The following CKM variants were observed in gnomAD, a reference collection of about 807,000 sequenced individuals.
The protein encoded by CKM is creatine kinase M-type.
Under a neutral mutation model 35.4 loss-of-function variants are expected in CKM, and 28 were observed. The observed-to-expected ratio is 0.79, with a 90% CI of 0.59 to 1.08. The LOEUF (loss-of-function observed/expected upper bound fraction) is 1.08. Ranked by LOEUF, CKM falls within the 50% of genes least tolerant of loss-of-function variation. The pLI, the probability that CKM is intolerant of heterozygous loss-of-function variation, is 0.00. For missense variants in CKM, 484 were observed against 509.8 expected (o/e 0.95, Z 0.49); for synonymous variants, 215 against 204.4 (o/e 1.05, Z -0.44).
Position 45,306,809 on chromosome 19 carries a change from T to C in CKM, c.1087A>G (p.Met363Val). 1 of 1,614,204 alleles carries C rather than the reference T, an allele frequency of 6.2e-7. No homozygotes were observed. The highest frequency in any genetic ancestry group is 8.5e-7 in the Non-Finnish European group (1 of 1,180,032). Residue 363 changes from methionine (M) to valine (V), a missense_variant, in exon 8 of 8, where the codon ATG becomes GTG. Met to Val is a conservative substitution (Grantham distance 21). Transcript: ENST00000221476. The surrounding 1 kb of genome is among the most constrained non-coding windows in gnomAD (Gnocchi z 4.5). ...TGGCCTTTCTCCAACTTCTTCTCCA[T>C]TTCCACCATGAGCTTCACACCATCC... ...VVDGVKLMVEMEKKLEKGQSI... is the reference protein window; with the variant it reads ...VVDGVKLMVEVEKKLEKGQSI...
rs766274732 is a variant in CKM at position 45,317,917 on chromosome 19, T to C, written c.256A>G (p.Lys86Glu). The C allele has an allele frequency of 6.2e-7, 1 of 1,613,594 alleles. No homozygotes were observed. The highest frequency in any genetic ancestry group is 1.3e-5 in the African/African-American group (1 of 74,856). ...AGDEESYEVF[K>E]ELFDPIISDR... ...GAGATGATGGGGTCAAAGAGTTCCT[T>C]GAAAACTTCGTAGGACTCCTCATCA... Residue 86 changes from lysine (K) to glutamate (E), a missense_variant, in exon 3 of 8, where the codon AAG becomes GAG. Transcript: ENST00000221476.
rs1442178275 is a variant in CKM, at chr19:45,306,893, C to G, written c.1003G>C (p.Asp335His). ...CCCAGCCGATCAGCGTTGGACACGT[C>G]AAATACTGAGCCCACGGCAGCTGTG... ...VDTAAVGSVFDVSNADRLGSS... is the reference protein window; with the variant it reads ...VDTAAVGSVFHVSNADRLGSS... The change falls in exon 8 of 8, where the codon GAC (aspartate) becomes CAC (histidine). Residue 335 changes from aspartate to histidine, a missense_variant. Transcript: ENST00000221476. This position sits in a 1 kb window ranked among gnomAD's most constrained non-coding sequence, Gnocchi z 4.5. 3 of 1,614,034 alleles carry G rather than the reference C, an allele frequency of 1.9e-6. No individual in the cohort carries two copies. In the Admixed American group the frequency reaches 5.0e-5, roughly 27 times the overall value.
At chr19:45,322,010 G>A (rs1015321983) in intron 1 of CKM, among the ~76,000 whole-genome samples, 2 of 150,482 alleles carry the variant, frequency 1.3e-5, no homozygotes, top group African/African-American at 4.9e-5. Context: ...CTGCTGCCCC[G>A]CCCCACCCCC....
intron 3 of CKM, 51 bp downstream of exon 3, chr19:45,317,774 G>T: frequency 1.3e-6 from 2 of 1,598,080 alleles, no homozygotes; most frequent in Non-Finnish European, 1.7e-6. Context: ...TTTCTCCTGT[G>T]ATCTCTCTCC....
At position 45,306,430 on chromosome 19, in the gene CKM, T is replaced by G; in HGVS notation, c.*320A>C. ...CACAAAGCTAAGGCCACCAATGCTT[T>G]TATTTATCGCTTTGCGTGGAGACAA... is the stretch of plus-strand genomic sequence containing the variant. On this transcript the variant is annotated 3_prime_UTR_variant, in exon 8 of 8. Transcript: ENST00000221476. This position sits in a 1 kb window ranked among gnomAD's most constrained non-coding sequence, Gnocchi z 4.5. 2.4e-6 allele frequency: 1 copy of G among 416,492 alleles called. No homozygotes were observed. The highest frequency in any genetic ancestry group is 4.5e-6 in the Non-Finnish European group (1 of 223,106). 25.8% of individuals were successfully genotyped at this position (416,492 alleles called of 1,614,324 possible).
intron 2 of CKM, 62 bp from the exon 3 acceptor site, chr19:45,318,041 G>A: frequency 6.7e-7 from 1 of 1,484,786 alleles, no homozygotes; most frequent in Non-Finnish European, 9.4e-7. Flanking sequence ...TGGGCTTGTG[G>A]GCTCAGTGGA....
intron 7 of CKM, 21 bp downstream of exon 7, chr19:45,307,440 C>G: frequency 6.2e-7 from 1 of 1,612,374 alleles, no homozygotes; most frequent in Non-Finnish European, 8.5e-7. Context: ...CGTCGTGGTG[C>G]AAAGGATGTG....
At position 45,308,535 on chromosome 19, in the gene CKM, A is replaced by C; in HGVS notation, c.654-3T>G. The C allele has an allele frequency of 3.1e-6, 5 of 1,613,816 alleles. No homozygotes were observed. Among genetic ancestry groups the C allele is most frequent in the Non-Finnish European group, 4.2e-6 (5 of 1,179,844 alleles). On this transcript the variant is annotated splice_polypyrimidine_tract_variant and splice_region_variant and intron_variant, in intron 5 of 7. Transcript: ENST00000221476. ...GGAAGCTCTTGTTGTCATTGTGCCTAGAGTAAGGTGCCGCAGCAAGAGGCC... is the reference window on the plus strand; with the variant it reads ...GGAAGCTCTTGTTGTCATTGTGCCTCGAGTAAGGTGCCGCAGCAAGAGGCC...
chr19:45,314,536 C>T (rs1472889202), intron 4 of CKM, among the ~76,000 whole-genome samples: 1 of 151,950 alleles, frequency 6.6e-6, no homozygotes, highest in Admixed American at 6.6e-5. Context: ...GCCTCAGTCT[C>T]CCAAGTCGCT....
chr19:45,312,896 G>A (rs1447203785), intron 4 of CKM, among the ~76,000 whole-genome samples: 4 of 150,876 alleles, frequency 2.7e-5, no homozygotes, highest in Admixed American at 2.6e-4. Context: ...GGAGGTTGCA[G>A]TGAGCTGAGA....
chr19:45,310,987 A>C (rs1336167536), intron 5 of CKM, among the ~76,000 whole-genome samples: 1 of 124,962 alleles, frequency 8.0e-6, no homozygotes, highest in Non-Finnish European at 1.7e-5. Context: ...TCACCGTGTT[A>C]GCCAGGATGG....
chr19:45,319,552 G>C lies in CKM; in HGVS notation c.162C>G (p.Asp54Glu), dbSNP rs753235410. The change falls in exon 2 of 8, where the codon GAC (aspartate) becomes GAG (glutamate). Residue 54 changes from aspartate to glutamate, a missense_variant. Physicochemically the swap from Asp to Glu is conservative, Grantham distance 45. Transcript: ENST00000221476. ...TGTCCACTCCTGTCTGGATGACATC[G>C]TCTACAGTGAAGCCAGATGGAGTCT... ...DKETPSGFTV[D>E]DVIQTGVDNP... is the part of the protein sequence containing the mutation. 2 of 1,614,044 alleles carry C rather than the reference G, an allele frequency of 1.2e-6. No homozygotes were observed. Among genetic ancestry groups the C allele is most frequent in the South Asian group, 2.2e-5 (2 of 91,082 alleles).
At chr19:45,307,682 G>A (rs1027362248) in intron 6 of CKM, 32 bp from the exon 7 acceptor site, 11 of 1,595,510 alleles carry the variant, frequency 6.9e-6, no homozygotes, top group South Asian at 5.5e-5. Context: ...AGGGGTCAGC[G>A]CCGGCAGGCA....
rs536863289 is a variant in CKM at position 45,308,294 on chromosome 19, G to A, written c.777+115C>T. 268 of 1,333,332 alleles carry A rather than the reference G, an allele frequency of 2.0e-4. 1 individual carries two copies. The African/African-American group carries it at 3.5e-3, about 17-fold the overall frequency. The allele number at this position is 1,333,332 out of a possible 1,614,324, so 82.6% of individuals were successfully genotyped here. A position where few individuals can be genotyped will look rare whatever the true frequency, so the allele number is the denominator to read the frequency against. On this transcript the variant is annotated intron_variant, in intron 6 of 7. Transcript: ENST00000221476. The stretch of plus-strand genomic sequence containing the variant: ...GGGTGGAGCCAGGTCCGGGGGGCAG[G>A]GCCCTGGAAAATGGGTGGGGCAGGG...
chr19:45,311,987 G>T, intron 4 of CKM, 67 bp from the exon 5 acceptor site: 3 of 1,580,454 alleles, frequency 1.9e-6, no homozygotes, highest in Non-Finnish European at 2.6e-6. Context: ...GAGGCCCAGG[G>T]TTTCCCCTGC....
At chr19:45,321,419 C>T (rs994729009) in intron 1 of CKM, among the ~76,000 whole-genome samples, 8 of 152,088 alleles carry the variant, frequency 5.3e-5, no homozygotes, top group African/African-American at 1.9e-4. Context: ...TCGTCAGAGG[C>T]AGGTTCAAAT....
chr19:45,312,836 C>A (rs1476158858), intron 4 of CKM, among the ~76,000 whole-genome samples: 2 of 151,618 alleles, frequency 1.3e-5, no homozygotes, highest in East Asian at 3.9e-4. Context: ...CGCCTGTAAT[C>A]CCAGCTACTC....
At chr19:45,309,486 G>A (rs780959751) in intron 5 of CKM, among the ~76,000 whole-genome samples, 1 of 149,208 alleles carries the variant, frequency 6.7e-6, no homozygotes, top group Admixed American at 6.8e-5. Flanking sequence ...ACCTTGGAAG[G>A]TCCAGGCTGC....
At position 45,315,597 on chromosome 19, in the gene CKM, CCTGGAGAG is replaced by C. The variant is rs1281563645; in HGVS notation, c.349-8_349-1del. The C allele has an allele frequency of 2.5e-6, 4 of 1,603,282 alleles. No individual in the cohort carries two copies. Among genetic ancestry groups the C allele is most frequent in the Non-Finnish European group, 3.4e-6 (4 of 1,179,930 alleles). On this transcript the variant is annotated splice_acceptor_variant and splice_polypyrimidine_tract_variant and intron_variant, in intron 3 of 7. Transcript: ENST00000221476. LOFTEE classifies it high-confidence loss of function. ...TAGTTAGGGTCCAGGTCGTCTCCAC[CCTGGAGAG>C]CGGGTGGGAGATCAGGACCAGGCAG...
Sources: gnomAD v4.1 joint callset for allele counts (sites outside exome capture counted in the v4.1 genomes callset) on GRCh38, gnomAD v4.1.1 for gene constraint, Gnocchi (gnomAD v3.1) non-coding constraint, MANE v1.5 for transcripts, NCBI Gene and HGNC (gene_info 2026-07-23, HGNC 2026-07-21) for gene names.